Variants in RANBP2 observed in about 807,000 individuals in gnomAD.
RANBP2 encodes the protein RAN binding protein 2.
RANBP2 carries 57 observed loss-of-function variants against 303.6 expected under a neutral mutation model. The ratio of observed to expected loss-of-function variants is 0.19; its 90% CI spans 0.15 to 0.23. The LOEUF (loss-of-function observed/expected upper bound fraction) is 0.23, where lower values mean the gene tolerates loss of function less well. RANBP2 is among the 10% of genes least tolerant of loss of function. RANBP2 has a pLI of 1.00. For missense variants in RANBP2, 3,138 were observed against 3,780.8 expected, an observed-to-expected ratio of 0.83 and a Z score of 4.46; for synonymous variants, 1,167 against 1,301.5, an observed-to-expected ratio of 0.90 and a Z score of 2.23.
At chr2:109,046,411 C>CTT in the RANBP2 span, among the ~76,000 whole-genome samples, 2 of 108,454 alleles carry the variant, frequency 1.8e-5, no homozygotes, top group Admixed American at 9.1e-5. Context: ...CTTTTCTTTT[C>CTT]TTTTTTTTTT....
At chr2:108,999,269 A>G in the RANBP2 span, among the ~76,000 whole-genome samples, 3 of 152,210 alleles carry the variant, frequency 2.0e-5, no homozygotes, top group African/African-American at 7.2e-5. Flanking sequence ...ATGAGGTAAC[A>G]TAAACATGGG....
the RANBP2 span, among the ~76,000 whole-genome samples, chr2:109,491,488 A>AT: frequency 3.9e-5 from 6 of 152,190 alleles, no homozygotes; most frequent in Non-Finnish European, 8.8e-5. Flanking sequence ...ATTCATTTCG[A>AT]TGCTTACTAG....
chr2:108,831,001 T>C, the RANBP2 span, among the ~76,000 whole-genome samples: 2 of 151,886 alleles, frequency 1.3e-5, no homozygotes, highest in East Asian at 3.9e-4. Context: ...ATGGAGAAAC[T>C]CTGTCTCTAC....
chr2:109,546,592 T>G, the RANBP2 span, among the ~76,000 whole-genome samples: 1 of 151,958 alleles, frequency 6.6e-6, no homozygotes, highest in Non-Finnish European at 1.5e-5. Context: ...ATGCAAAGTA[T>G]AGAAAGAAAT....
At chr2:109,144,901 G>T in the RANBP2 span, among the ~76,000 whole-genome samples, 1 of 152,252 alleles carries the variant, frequency 6.6e-6, no homozygotes, top group African/African-American at 2.4e-5. Flanking sequence ...CCAGAGCTGG[G>T]GTGCTGGGGC....
At chr2:109,666,455 G>A in the RANBP2 span, among the ~76,000 whole-genome samples, 65 of 152,202 alleles carry the variant, frequency 4.3e-4, 1 homozygote, top group African/African-American at 1.5e-3. Context: ...AGTTGACGTT[G>A]GTAAAAAGAC....
At chr2:108,866,808 G>A in the RANBP2 span, among the ~76,000 whole-genome samples, 2 of 151,838 alleles carry the variant, frequency 1.3e-5, no homozygotes, top group Non-Finnish European at 2.9e-5. Context: ...GCTTGAACCC[G>A]GGAGGTGGAG....
At position 108,764,029 on chromosome 2, in the gene RANBP2, G is replaced by T; in HGVS notation, c.3490G>T (p.Asp1164Tyr). 6.2e-7 allele frequency: 1 copy of T among 1,613,794 alleles called. No homozygotes were observed. The highest frequency in any genetic ancestry group is 8.5e-7 in the Non-Finnish European group (1 of 1,179,770). Residue 1164 changes from aspartate (D) to tyrosine (Y), a missense_variant, in exon 20 of 29, where the codon GAT (aspartate) becomes TAT (tyrosine). Asp to Tyr is a radical substitution (Grantham distance 160). Coordinates refer to ENST00000283195, the MANE Select transcript of RANBP2 (RefSeq NM_006267.5). The part of the protein sequence containing the change: ...HETDGGSAHG[D>Y]DDDDGPHFEP... ...GACAGATGGAGGAAGTGCCCATGGG[G>T]ATGATGATGATGACGGTCCTCACTT...
At chr2:108,872,895 G>A in the RANBP2 span, among the ~76,000 whole-genome samples, 1 of 152,146 alleles carries the variant, frequency 6.6e-6, no homozygotes, top group Non-Finnish European at 1.5e-5. Flanking sequence ...GTCTTAACTT[G>A]TAATAGCTTC....
At chr2:108,731,123 A>G (rs570886244) in intron 3 of RANBP2, among the ~76,000 whole-genome samples, 199 bp from the exon 4 acceptor site, 23 of 152,188 alleles carry the variant, frequency 1.5e-4, no homozygotes, top group Non-Finnish European at 2.9e-4. Flanking sequence ...TGACACAAAT[A>G]TAATTTTTAT....
At chr2:109,068,922 C>T in the RANBP2 span, among the ~76,000 whole-genome samples, 1 of 152,136 alleles carries the variant, frequency 6.6e-6, no homozygotes, top group Non-Finnish European at 1.5e-5. Context: ...TTGATTTTAC[C>T]ATGGCTGACA....
the RANBP2 span, among the ~76,000 whole-genome samples, chr2:109,169,650 A>G: frequency 6.6e-6 from 1 of 152,130 alleles, no homozygotes; most frequent in East Asian, 1.9e-4. Context: ...TGGGCAATGT[A>G]TTTGAACATA....
chr2:109,698,290 CT>C, the RANBP2 span, among the ~76,000 whole-genome samples: 1 of 151,500 alleles, frequency 6.6e-6, no homozygotes, highest in African/African-American at 2.4e-5. Flanking sequence ...CCACTTAAGT[CT>C]TTTAAATTTA....
the RANBP2 span, among the ~76,000 whole-genome samples, chr2:109,209,541 T>G: frequency 6.6e-6 from 1 of 152,132 alleles, no homozygotes; most frequent in Admixed American, 6.5e-5. Flanking sequence ...CAGTGTGTTA[T>G]CTGAGGAAAG....
the RANBP2 span, among the ~76,000 whole-genome samples, chr2:109,578,604 T>C: frequency 6.6e-6 from 1 of 151,970 alleles, no homozygotes; most frequent in South Asian, 2.1e-4. Context: ...CCATCTCTAC[T>C]AAAAATACAA....
the RANBP2 span, among the ~76,000 whole-genome samples, chr2:108,851,777 C>G: frequency 2.0e-5 from 3 of 152,132 alleles, no homozygotes; most frequent in Non-Finnish European, 4.4e-5. Flanking sequence ...AGACCTTCCC[C>G]TGAGGCCTAA....
At chr2:109,250,925 T>A in the RANBP2 span, among the ~76,000 whole-genome samples, 1 of 152,086 alleles carries the variant, frequency 6.6e-6, no homozygotes, top group East Asian at 1.9e-4. Context: ...ATTATCTTTT[T>A]AAATTTCTAA....
At chr2:108,738,162 G>T (rs976675878) in intron 6 of RANBP2, among the ~76,000 whole-genome samples, 2 of 151,768 alleles carry the variant, frequency 1.3e-5, no homozygotes, top group African/African-American at 2.4e-5. Flanking sequence ...TGCAAGCTCT[G>T]TTTCCAGGGT....
At chr2:108,823,233 C>T in the RANBP2 span, among the ~76,000 whole-genome samples, 11 of 152,224 alleles carry the variant, frequency 7.2e-5, no homozygotes, top group Non-Finnish European at 1.6e-4. Flanking sequence ...TAACACCCAT[C>T]CTCCTCATAT....
Sources: gnomAD v4.1 joint callset for allele counts (sites outside exome capture counted in the v4.1 genomes callset) on GRCh38, gnomAD v4.1.1 for gene constraint, MANE v1.5 for transcripts, NCBI Gene and HGNC (gene_info 2026-07-23, HGNC 2026-07-21) for gene names.